The following RORA variants were observed in gnomAD, a reference collection of about 807,000 sequenced individuals.
RORA encodes RAR related orphan receptor A.
A neutral mutation model predicts 69.5 loss-of-function variants in RORA; 7 were observed. That is an observed-to-expected ratio of 0.10 (90% CI 0.06 to 0.19). RORA has a LOEUF of 0.19. Ranked by LOEUF, RORA falls within the 10% of genes least tolerant of loss-of-function variation. RORA has a pLI of 1.00. For synonymous variants in RORA, 261 were observed against 240.8 expected (o/e 1.08, Z -0.78); for missense variants, 457 against 663.0 (o/e 0.69, Z 3.41).
chr15:61,074,923 C>T (rs1038267234), intron 1 of RORA, among the ~76,000 whole-genome samples: 3 of 151,842 alleles, frequency 2.0e-5, no homozygotes, highest in East Asian at 1.9e-4. Flanking sequence ...CCCGTCTCTA[C>T]TAAAAATACA....
Position 61,189,172 on chromosome 15 carries a change from G to C in RORA, c.166+39881C>G, listed in dbSNP as rs183317131. Among the ~76,000 whole-genome samples the C allele has an allele frequency of 1.2e-3, 184 of 152,254 alleles. 1 individual carries two copies. The highest frequency in any genetic ancestry group is 4.2e-3 in the African/African-American group (176 of 41,544). The stretch of plus-strand genomic sequence containing the variant: ...TGTCTTCTTCATCTTTGACCCCTTA[G>C]TGTTTAACACAGTCCTTAAATGTCC... On this transcript the variant is annotated intron_variant, in intron 1 of 10. Coordinates refer to ENST00000335670, the MANE Select transcript of RORA (RefSeq NM_134261.3).
chr15:61,101,541 T>A (rs1381034146), intron 1 of RORA, among the ~76,000 whole-genome samples: 3 of 152,082 alleles, frequency 2.0e-5, no homozygotes, highest in Non-Finnish European at 4.4e-5. Flanking sequence ...ACTGGAATGA[T>A]CCTAGAAATT....
chr15:60,846,634 A>T (rs1267225518), intron 1 of RORA, among the ~76,000 whole-genome samples: 1 of 152,222 alleles, frequency 6.6e-6, no homozygotes, highest in South Asian at 2.1e-4. Context: ...TTGTCACTAC[A>T]TATCAAAAAT....
chr15:60,515,929 ATATATATATTTATATATATTTATATATT>A (rs2065859548), intron 3 of RORA, among the ~76,000 whole-genome samples: 1 of 44,292 alleles, frequency 2.3e-5, no homozygotes, highest in African/African-American at 1.3e-4. Context: ...ATATATATTT[ATATATATATTTATATATATTTATATATT>A]TATATTTATA....
At chr15:61,139,711 G>A (rs149995174) in intron 1 of RORA, among the ~76,000 whole-genome samples, 156 of 152,284 alleles carry the variant, frequency 1.0e-3, no homozygotes, top group African/African-American at 3.7e-3. Flanking sequence ...TAATGAAATC[G>A]AGAGAGTCGA....
chr15:60,805,063 A>G (rs1045797053), intron 1 of RORA, among the ~76,000 whole-genome samples: 1 of 152,200 alleles, frequency 6.6e-6, no homozygotes, highest in Non-Finnish European at 1.5e-5. Context: ...AATTGTGAGA[A>G]TCCCATGGAT....
At chr15:60,903,618 G>C (rs764366169) in intron 1 of RORA, among the ~76,000 whole-genome samples, 1 of 152,152 alleles carries the variant, frequency 6.6e-6, no homozygotes, top group Non-Finnish European at 1.5e-5. Flanking sequence ...TCTCCAAGTA[G>C]TATGCAATGC....
intron 1 of RORA, among the ~76,000 whole-genome samples, chr15:61,124,063 G>C (rs1464182929): frequency 6.6e-6 from 1 of 152,136 alleles, no homozygotes; most frequent in Admixed American, 6.5e-5. Context: ...TTCCTTACCC[G>C]CCAGCACCTA....
At chr15:60,939,643 CT>C (rs1467079393) in intron 1 of RORA, among the ~76,000 whole-genome samples, 1 of 152,238 alleles carries the variant, frequency 6.6e-6, no homozygotes, top group Non-Finnish European at 1.5e-5. Context: ...CCTTCACAAC[CT>C]TTTGTTCCCC....
chr15:60,699,015 A>G (rs1367859460), intron 1 of RORA, among the ~76,000 whole-genome samples: 1 of 152,038 alleles, frequency 6.6e-6, no homozygotes, highest in Non-Finnish European at 1.5e-5. Flanking sequence ...CTGTATAGTT[A>G]ATCATATGTT....
At position 61,036,475 on chromosome 15, in the gene RORA, T is replaced by TG. The variant is rs1896464057; in HGVS notation, c.166+192577dup. ...GAGCTACTGGCAAACCATTTGTATT[T>TG]GGGGTGGGCGTCCCGTGCAGCACGC... On this transcript the variant is annotated intron_variant, in intron 1 of 10. Coordinates refer to ENST00000335670, the MANE Select transcript of RORA (RefSeq NM_134261.3). Among the ~76,000 whole-genome samples, 7 of 152,246 alleles carry TG rather than the reference T, an allele frequency of 4.6e-5. No homozygotes were observed. The South Asian group carries it at 1.5e-3, about 32-fold the overall frequency.
intron 1 of RORA, among the ~76,000 whole-genome samples, chr15:60,987,138 G>C (rs1299580057): frequency 1.3e-5 from 2 of 152,172 alleles, no homozygotes; most frequent in African/African-American, 4.8e-5. Context: ...CAGCTGGGTA[G>C]ACTGATGCTC....
chr15:61,030,924 T>C (rs985363841), intron 1 of RORA, among the ~76,000 whole-genome samples: 6 of 152,238 alleles, frequency 3.9e-5, no homozygotes, highest in African/African-American at 1.2e-4. Context: ...TTTATGTATA[T>C]GTATATGTGT....
chr15:61,162,856 T>C (rs564759473), intron 1 of RORA, among the ~76,000 whole-genome samples: 2 of 152,166 alleles, frequency 1.3e-5, no homozygotes, highest in Non-Finnish European at 2.9e-5. Context: ...AACATAAAAC[T>C]GGAAACAAGG....
chr15:61,163,290 T>A (rs191390279), intron 1 of RORA, among the ~76,000 whole-genome samples: 69 of 152,272 alleles, frequency 4.5e-4, no homozygotes, highest in Admixed American at 8.5e-4. Flanking sequence ...CCTAAGAGGA[T>A]CCGTGTTCCA....
At chr15:60,911,048 G>A (rs28671315) in intron 1 of RORA, among the ~76,000 whole-genome samples, 29 of 144,520 alleles carry the variant, frequency 2.0e-4, no homozygotes, top group Non-Finnish European at 3.7e-4. Context: ...GATTACAGGC[G>A]CCCACCACCA....
At chr15:61,191,271 C>A (rs937864237) in intron 1 of RORA, among the ~76,000 whole-genome samples, 4 of 151,420 alleles carry the variant, frequency 2.6e-5, no homozygotes, top group Non-Finnish European at 5.9e-5. Flanking sequence ...CAACTCTTGG[C>A]AGAGTACACA....
At position 61,147,149 on chromosome 15, in the gene RORA, G is replaced by A. The variant is rs1257961542; in HGVS notation, c.166+81904C>T. On this transcript the variant is annotated intron_variant, in intron 1 of 10. Transcript: ENST00000335670. This position sits in a 1 kb window ranked among gnomAD's most constrained non-coding sequence, Gnocchi z 4.1. ...TGCCTCATGCATTCTGGCCATTTTC[G>A]GGCTTATTTTATTCCCCAGAACCTT... Among the ~76,000 whole-genome samples, 3 of 152,102 alleles carry A rather than the reference G, an allele frequency of 2.0e-5. No individual in the cohort carries two copies. The highest frequency in any genetic ancestry group is 2.1e-4 in the South Asian group (1 of 4,818).
chr15:61,217,210 G>C (rs946816870), intron 1 of RORA, among the ~76,000 whole-genome samples: 9 of 152,172 alleles, frequency 5.9e-5, no homozygotes, highest in Non-Finnish European at 1.2e-4. Flanking sequence ...ATCGTGCATG[G>C]AGTAAAAACA....
Sources: gnomAD v4.1 joint callset for allele counts (sites outside exome capture counted in the v4.1 genomes callset) on GRCh38, gnomAD v4.1.1 for gene constraint, Gnocchi (gnomAD v3.1) non-coding constraint, MANE v1.5 for transcripts, NCBI Gene and HGNC (gene_info 2026-07-23, HGNC 2026-07-21) for gene names.